Variants in GRIK3 observed in about 807,000 individuals in gnomAD.
GRIK3 encodes glutamate ionotropic receptor kainate type subunit 3.
A neutral mutation model predicts 102.5 loss-of-function variants in GRIK3; 29 were observed. That is an observed-to-expected ratio of 0.28 (90% CI 0.21 to 0.39). GRIK3 has a LOEUF of 0.39. Ranked by LOEUF, GRIK3 falls within the 10% of genes least tolerant of loss-of-function variation. The probability of loss-of-function intolerance (pLI) is 1.00; values close to 1 mark genes in which losing one functional copy is unlikely to be tolerated. For missense variants in GRIK3, 908 were observed against 1,252.4 expected, an observed-to-expected ratio of 0.73 and a Z score of 4.15; for synonymous variants, 511 against 504.9, an observed-to-expected ratio of 1.01 and a Z score of -0.16.
chr1:36,935,399 T>C (rs1294972203), intron 1 of GRIK3, among the ~76,000 whole-genome samples: 3 of 152,212 alleles, frequency 2.0e-5, no homozygotes, highest in Non-Finnish European at 4.4e-5. Flanking sequence ...AATATCCAAA[T>C]ACATGCATTA....
At chr1:37,029,163 A>T (rs1642794236) in intron 1 of GRIK3, among the ~76,000 whole-genome samples, 1 of 151,932 alleles carries the variant, frequency 6.6e-6, no homozygotes, top group African/African-American at 2.4e-5. Context: ...AATCAAGCCC[A>T]AGGCCAAGGC....
chr1:36,912,070 C>T (rs1441273361), intron 1 of GRIK3, among the ~76,000 whole-genome samples: 1 of 152,186 alleles, frequency 6.6e-6, no homozygotes, highest in African/African-American at 2.4e-5. Flanking sequence ...TGTCCTCACC[C>T]CATGCTGTTT....
chr1:36,834,729 T>A (rs1269573024), intron 10 of GRIK3, among the ~76,000 whole-genome samples: 1 of 152,138 alleles, frequency 6.6e-6, no homozygotes, highest in East Asian at 1.9e-4. Context: ...TATCGCCATC[T>A]CCAAAAGAAT....
chr1:36,952,919 G>C (rs961840773), intron 1 of GRIK3, among the ~76,000 whole-genome samples: 1 of 152,176 alleles, frequency 6.6e-6, no homozygotes, highest in Non-Finnish European at 1.5e-5. Flanking sequence ...CCAGGTAGAG[G>C]GAACAGCACG....
intron 5 of GRIK3, among the ~76,000 whole-genome samples, chr1:36,863,164 GGTTCT>G (rs1640745324): frequency 6.6e-6 from 1 of 152,062 alleles, no homozygotes; most frequent in African/African-American, 2.4e-5. Context: ...TTTTGCTCAA[GGTTCT>G]GTAACTGGGG....
chr1:37,006,324 C>T (rs185954160), intron 1 of GRIK3, among the ~76,000 whole-genome samples: 1 of 152,284 alleles, frequency 6.6e-6, no homozygotes, highest in Admixed American at 6.5e-5. Flanking sequence ...GATAACGCAA[C>T]GAGGGAGGAA....
chr1:37,030,853 C>T (rs892367250), intron 1 of GRIK3, among the ~76,000 whole-genome samples: 3 of 152,114 alleles, frequency 2.0e-5, no homozygotes, highest in African/African-American at 7.2e-5. Context: ...TTAAGGCCAA[C>T]CAAATAGTTT....
chr1:36,963,760 C>T (rs1642051979), intron 1 of GRIK3, among the ~76,000 whole-genome samples: 1 of 152,160 alleles, frequency 6.6e-6, no homozygotes, highest in Admixed American at 6.5e-5. Flanking sequence ...TGAGATATCC[C>T]CCTCAACCCC....
intron 1 of GRIK3, among the ~76,000 whole-genome samples, chr1:36,997,810 A>C (rs1410453023): frequency 1.3e-5 from 2 of 152,156 alleles, no homozygotes; most frequent in Non-Finnish European, 2.9e-5. Context: ...GAAAGGACCA[A>C]GGGTGACCAG....
chr1:36,958,366 A>G (rs1641951305), intron 1 of GRIK3, among the ~76,000 whole-genome samples: 1 of 77,388 alleles, frequency 1.3e-5, no homozygotes, highest in Non-Finnish European at 2.3e-5. Context: ...TTGCTCCATG[A>G]GCCTGTGTGC....
intron 1 of GRIK3, among the ~76,000 whole-genome samples, chr1:36,897,675 C>A (rs1020658736): frequency 1.3e-5 from 2 of 152,062 alleles, no homozygotes; most frequent in African/African-American, 4.8e-5. Flanking sequence ...AAAAGGGAAC[C>A]CTCATACCAT....
chr1:36,900,851 A>G (rs962911361), intron 1 of GRIK3, among the ~76,000 whole-genome samples: 1 of 152,208 alleles, frequency 6.6e-6, no homozygotes, highest in Non-Finnish European at 1.5e-5. Flanking sequence ...AATTGTTAGT[A>G]TCAGAAGTGA....
At position 36,928,674 on chromosome 1, in the gene GRIK3, A is replaced by G. The variant is rs182865784; in HGVS notation, c.116-37578T>C. Among the ~76,000 whole-genome samples, 720 of 152,336 alleles carry G rather than the reference A, an allele frequency of 4.7e-3. 2 individuals are homozygous for G. The highest frequency in any genetic ancestry group is 7.2e-3 in the Non-Finnish European group (489 of 68,020). ...GCCTTGCAACCCTCCCTGGTTTCCC[A>G]CAATCCAAGAATCCAGCCTAGACTT... On this transcript the variant is annotated intron_variant, in intron 1 of 15. Coordinates refer to ENST00000373091, the MANE Select transcript of GRIK3 (RefSeq NM_000831.4).
At chr1:37,023,000 T>C (rs1355921722) in intron 1 of GRIK3, among the ~76,000 whole-genome samples, 1 of 152,180 alleles carries the variant, frequency 6.6e-6, no homozygotes, top group Non-Finnish European at 1.5e-5. Flanking sequence ...ACATGTTCAT[T>C]GAAACCTTAG....
intron 11 of GRIK3, among the ~76,000 whole-genome samples, chr1:36,821,468 C>T (rs1570743511): frequency 6.6e-6 from 1 of 152,208 alleles, no homozygotes; most frequent in South Asian, 2.1e-4. Flanking sequence ...GGCTCTGTAA[C>T]TGAGCGGATG....
chr1:36,974,109 A>G (rs1364989516), intron 1 of GRIK3, among the ~76,000 whole-genome samples: 1 of 152,158 alleles, frequency 6.6e-6, no homozygotes, highest in African/African-American at 2.4e-5. Context: ...TCAGCATTTC[A>G]TTGGCTTTTA....
At chr1:36,871,198 G>A (rs1343814167) in intron 4 of GRIK3, among the ~76,000 whole-genome samples, 2 of 152,168 alleles carry the variant, frequency 1.3e-5, no homozygotes, top group African/African-American at 4.8e-5. Context: ...ACGTGAAAGG[G>A]CAGAAGCAGA....
intron 2 of GRIK3, among the ~76,000 whole-genome samples, chr1:36,885,545 T>C (rs1002539761): frequency 1.3e-5 from 2 of 152,218 alleles, no homozygotes; most frequent in African/African-American, 4.8e-5. Flanking sequence ...CTGCAAGAGA[T>C]GCAGTGATTA....
chr1:36,966,281 TG>T (rs1438301871), intron 1 of GRIK3, among the ~76,000 whole-genome samples: 2 of 152,208 alleles, frequency 1.3e-5, no homozygotes, highest in Non-Finnish European at 2.9e-5. Context: ...AAGCTGGACA[TG>T]GGACCAGACA....
Sources: allele counts gnomAD v4.1 joint callset (sites outside exome capture counted in the v4.1 genomes callset), GRCh38; gene constraint gnomAD v4.1.1; transcripts MANE v1.5; gene names NCBI Gene and HGNC (gene_info 2026-07-23, HGNC 2026-07-21).